The following MSTO1 variants were observed in gnomAD, a reference collection of about 807,000 sequenced individuals.
MSTO1 encodes the protein misato mitochondrial distribution and morphology regulator 1.
Under a neutral mutation model 55.7 loss-of-function variants are expected in MSTO1, and 24 were observed. That is an observed-to-expected ratio of 0.43 (90% confidence interval 0.31 to 0.61). MSTO1 has a LOEUF of 0.61. Among genes scored for constraint, MSTO1 ranks in the 20% least tolerant of loss-of-function variants. The probability of loss-of-function intolerance (pLI) is 0.09; values close to 1 mark genes in which losing one functional copy is unlikely to be tolerated. For missense variants in MSTO1, 363 were observed against 625.7 expected, an observed-to-expected ratio of 0.58 and a Z score of 4.48; for synonymous variants, 162 against 252.8, an observed-to-expected ratio of 0.64 and a Z score of 3.41.
the MSTO1 span, among the ~76,000 whole-genome samples, chr1:155,564,350 C>T: frequency 6.6e-6 from 1 of 152,116 alleles, no homozygotes; most frequent in Non-Finnish European, 1.5e-5. Context: ...AAAAATTAGC[C>T]AGGCGTGGTG....
downstream of MSTO1, chr1:155,614,956 T>A: frequency 1.0e-6 from 1 of 957,676 alleles, no homozygotes; most frequent in Non-Finnish European, 1.7e-6. Context: ...GCAAAATCTT[T>A]TGTTTATTCC....
At chr1:155,598,744 A>G in the MSTO1 span, 12 of 622,716 alleles carry the variant, frequency 1.9e-5, no homozygotes, top group South Asian at 1.1e-4. Context: ...CAACAAAAAA[A>G]ACATAAGTAC....
the MSTO1 span, among the ~76,000 whole-genome samples, chr1:155,585,714 A>G: frequency 6.6e-6 from 1 of 152,146 alleles, no homozygotes; most frequent in African/African-American, 2.4e-5. Flanking sequence ...TTAATATAAT[A>G]CACATGTTAT....
chr1:155,609,241 ATATT>A (rs1252004667), upstream of MSTO1, among the ~76,000 whole-genome samples: 1 of 48,348 alleles, frequency 2.1e-5, no homozygotes, highest in Admixed American at 4.7e-4. Context: ...ATATATATAT[ATATT>A]TTTTTTTTTT....
the MSTO1 span, among the ~76,000 whole-genome samples, chr1:155,575,224 A>AAG: frequency 6.6e-6 from 1 of 151,694 alleles, no homozygotes; most frequent in Non-Finnish European, 1.5e-5. Flanking sequence ...CAAAAAAAAA[A>AAG]AGAGAGAGAG....
the MSTO1 span, among the ~76,000 whole-genome samples, chr1:155,587,661 G>A: frequency 6.7e-6 from 1 of 148,458 alleles, no homozygotes. Context: ...GGAGAATGGC[G>A]TGAACCCGGG....
the MSTO1 span, among the ~76,000 whole-genome samples, chr1:155,567,590 G>A: frequency 5.9e-5 from 9 of 151,936 alleles, no homozygotes; most frequent in East Asian, 3.9e-4. Flanking sequence ...GTGAGCCACC[G>A]CGCCCGGCCT....
the MSTO1 span, among the ~76,000 whole-genome samples, chr1:155,570,095 T>G: frequency 6.6e-6 from 1 of 152,198 alleles, no homozygotes; most frequent in Non-Finnish European, 1.5e-5. Context: ...TAATCTAAAT[T>G]TACAGTTGAA....
the MSTO1 span, among the ~76,000 whole-genome samples, chr1:155,603,887 C>A: frequency 6.6e-6 from 1 of 151,914 alleles, no homozygotes; most frequent in African/African-American, 2.4e-5. Context: ...AATCTCAAAA[C>A]AACAACTTTT....
the MSTO1 span, among the ~76,000 whole-genome samples, chr1:155,575,308 G>T: frequency 6.6e-6 from 1 of 152,076 alleles, no homozygotes; most frequent in African/African-American, 2.4e-5. Flanking sequence ...ATCCTAGTGG[G>T]TGTGAAGTGG....
At chr1:155,596,654 G>A in the MSTO1 span, among the ~76,000 whole-genome samples, 5 of 152,152 alleles carry the variant, frequency 3.3e-5, no homozygotes, top group East Asian at 7.7e-4. Context: ...GTGCACAGTG[G>A]TATGTGCCTG....
chr1:155,608,788 C>G (rs1673109173), upstream of MSTO1, among the ~76,000 whole-genome samples: 1 of 150,598 alleles, frequency 6.6e-6, no homozygotes, highest in African/African-American at 2.4e-5. Flanking sequence ...AGGCTTGAAC[C>G]GCGGCGCCCG....
At chr1:155,603,037 T>TC in the MSTO1 span, among the ~76,000 whole-genome samples, 1 of 151,928 alleles carries the variant, frequency 6.6e-6, no homozygotes, top group Admixed American at 6.6e-5. Flanking sequence ...CTTATGTATG[T>TC]TTTTTCAAGG....
the MSTO1 span, among the ~76,000 whole-genome samples, chr1:155,593,726 T>C: frequency 6.6e-6 from 1 of 152,060 alleles, no homozygotes; most frequent in African/African-American, 2.4e-5. Context: ...CCCAGCACTT[T>C]GGGAGGCTGA....
the MSTO1 span, chr1:155,586,767 T>A: frequency 2.2e-6 from 1 of 448,684 alleles, no homozygotes. Flanking sequence ...ATTATTTTTT[T>A]AACTCAGTCT....
chr1:155,598,248 C>A, the MSTO1 span, among the ~76,000 whole-genome samples: 27 of 152,118 alleles, frequency 1.8e-4, no homozygotes, highest in Non-Finnish European at 3.2e-4. Context: ...TCCAAAGTAG[C>A]TGGGATTACA....
Position 155,613,205 on chromosome 1 carries a change from A to T in MSTO1, c.1255A>T (p.Arg419Trp). ...TRCFAQSVVL[R>W]GIDRACHTSQ... ...TTGCTTTGCCCAGTCAGTGGTGCTG[A>T]GGGGTATAGACAGAGCATGCCACAC... The change falls in exon 11 of 14, where the codon AGG becomes TGG. Residue 419 changes from arginine (R) to tryptophan (W), a missense_variant. Physicochemically the swap from Arg to Trp is moderately radical, Grantham distance 101. Coordinates refer to ENST00000245564, the MANE Select transcript of MSTO1 (RefSeq NM_018116.4). 1 of 1,613,988 alleles carries T rather than the reference A, an allele frequency of 6.2e-7. No individual in the cohort carries two copies. The highest frequency in any genetic ancestry group is 8.5e-7 in the Non-Finnish European group (1 of 1,179,984).
the MSTO1 span, among the ~76,000 whole-genome samples, chr1:155,577,717 G>C: frequency 6.6e-6 from 1 of 152,106 alleles, no homozygotes; most frequent in Admixed American, 6.6e-5. Flanking sequence ...TAGGTCTATG[G>C]CATTTCCATA....
chr1:155,608,754 G>T (rs970056630), upstream of MSTO1, among the ~76,000 whole-genome samples: 7 of 151,430 alleles, frequency 4.6e-5, no homozygotes, highest in Non-Finnish European at 7.4e-5. Context: ...CACCCGCCTC[G>T]GCCTCCCAAA....
Sources: allele counts gnomAD v4.1 joint callset (sites outside exome capture counted in the v4.1 genomes callset), GRCh38; gene constraint gnomAD v4.1.1; transcripts MANE v1.5; gene names NCBI Gene and HGNC (gene_info 2026-07-23, HGNC 2026-07-21).